The following OTULIN variants were observed in gnomAD, a reference collection of about 807,000 sequenced individuals.
The protein encoded by OTULIN is ubiquitin thioesterase otulin.
A neutral mutation model predicts 39.6 loss-of-function variants in OTULIN; 15 were observed. The observed-to-expected ratio is 0.38, with a 90% CI of 0.25 to 0.58. The LOEUF (loss-of-function observed/expected upper bound fraction) is 0.58, where lower values mean the gene tolerates loss of function less well. OTULIN is among the 20% of genes least tolerant of loss of function. The pLI is 0.66. For missense variants in OTULIN, 319 were observed against 445.9 expected, an observed-to-expected ratio of 0.72 and a Z score of 2.56; for synonymous variants, 156 against 170.3, an observed-to-expected ratio of 0.92 and a Z score of 0.65.
intron 4 of OTULIN, among the ~76,000 whole-genome samples, chr5:14,682,102 C>G (rs1341389967): frequency 1.3e-5 from 2 of 152,242 alleles, no homozygotes; most frequent in African/African-American, 4.8e-5. Context: ...GAGACTCAGC[C>G]TGTCCCAGGC....
rs1736735174 is a variant in OTULIN, at chr5:14,698,680, TCTAA to T, written c.*5635_*5638del. On this transcript the variant is annotated 3_prime_UTR_variant, in exon 7 of 7. Coordinates refer to ENST00000284274, the MANE Select transcript of OTULIN (RefSeq NM_138348.6). ...GGCAGATTGTGCTATTACATTGGGC[TCTAA>T]CTTTCTGGCACCCGCAAGGCAGACC... 6.6e-6 allele frequency: 1 copy of T among 152,270 alleles called. No homozygotes were observed. Among genetic ancestry groups the T allele is most frequent in the Non-Finnish European group, 1.5e-5 (1 of 68,080 alleles). 9.4% of individuals were successfully genotyped at this position (152,270 alleles called of 1,614,324 possible).
intron 1 of OTULIN, among the ~76,000 whole-genome samples, chr5:14,666,485 G>A (rs1301150296): frequency 6.6e-6 from 1 of 152,140 alleles, no homozygotes; most frequent in East Asian, 1.9e-4. Flanking sequence ...GAGAGACCCT[G>A]ATGCATCAAT....
In OTULIN at chr5:14,690,453, A is replaced by G. The variant is rs1736496727; in HGVS notation, c.864+145A>G. On this transcript the variant is annotated intron_variant, in intron 6 of 6. Transcript: ENST00000284274. This position sits in a 1 kb window ranked among gnomAD's most constrained non-coding sequence, Gnocchi z 4.5. ...CAGGATGTCATGAGGCTGCAGTTGT[A>G]TGTTCAGGGCTGCAGTCATCTGAAG... The G allele has an allele frequency of 4.1e-6, 4 of 966,624 alleles. No homozygotes were observed. The highest frequency in any genetic ancestry group is 2.9e-4 in the Middle Eastern group (1 of 3,460). The allele number at this position is 966,624 out of a possible 1,614,324, so 59.9% of individuals were successfully genotyped here.
chr5:14,667,645 G>T (rs1444959313), intron 1 of OTULIN, among the ~76,000 whole-genome samples: 2 of 152,218 alleles, frequency 1.3e-5, no homozygotes, highest in African/African-American at 4.8e-5. Flanking sequence ...GAAGTCCTGG[G>T]ATTACAGGCG....
At chr5:14,689,367 A>C (rs1736465739) in intron 5 of OTULIN, among the ~76,000 whole-genome samples, 1 of 152,202 alleles carries the variant, frequency 6.6e-6, no homozygotes, top group African/African-American at 2.4e-5. Context: ...TTCATAAGGA[A>C]TGGTATTTAT....
At chr5:14,707,154 T>G in the OTULIN span, 2 of 152,252 alleles carry the variant, frequency 1.3e-5, no homozygotes. Context: ...CATGCTGTCC[T>G]GGGCACTGTT....
chr5:14,674,022 A>C (rs1033287940), intron 2 of OTULIN: 4 of 190,364 alleles, frequency 2.1e-5, no homozygotes, highest in Middle Eastern at 2.1e-3. Flanking sequence ...TTAGAGGGAG[A>C]GTTCAGATTT....
intron 3 of OTULIN, 144 bp from the exon 4 acceptor site, chr5:14,681,315 TAAAAC>T: frequency 3.7e-6 from 3 of 812,178 alleles, no homozygotes; most frequent in Middle Eastern, 3.1e-4. Flanking sequence ...GAGTAAGTGT[TAAAAC>T]AATTGCTTAG....
the OTULIN span, chr5:14,711,276 C>T: frequency 9.3e-6 from 15 of 1,614,138 alleles, no homozygotes; most frequent in Non-Finnish European, 1.3e-5. Context: ...AGAGTCTTCC[C>T]CCTCCGTGGC....
chr5:14,711,191 C>T, the OTULIN span: 207 of 1,611,460 alleles, frequency 1.3e-4, no homozygotes, highest in Non-Finnish European at 1.6e-4. Context: ...CATGGCGTCC[C>T]GTGCCTTATT....
intron 4 of OTULIN, among the ~76,000 whole-genome samples, chr5:14,683,919 T>C (rs1290561166): frequency 1.3e-5 from 2 of 152,210 alleles, no homozygotes; most frequent in Non-Finnish European, 2.9e-5. Context: ...TTATCTGCCA[T>C]ATTAAAAATA....
chr5:14,669,647 C>T (rs1201769824), intron 1 of OTULIN, among the ~76,000 whole-genome samples: 1 of 151,970 alleles, frequency 6.6e-6, no homozygotes, highest in Non-Finnish European at 1.5e-5. Context: ...GTGGTGCATG[C>T]CTGTGGTCTC....
At position 14,678,310 on chromosome 5, in the gene OTULIN, GCAGAGAC is replaced by G. The variant is rs548972604; in HGVS notation, c.230-364_230-358del. On this transcript the variant is annotated intron_variant, in intron 2 of 6. Coordinates refer to ENST00000284274, the MANE Select transcript of OTULIN (RefSeq NM_138348.6). ...GCCCACTCAGTGGGGAATGGTAGGA[GCAGAGAC>G]CAGAGAGGCAGAGAGGGGGACTATA... 4.3e-3 allele frequency among the ~76,000 whole-genome samples: 656 copies of G among 152,284 alleles called. 4 individuals carry two copies. The highest frequency in any genetic ancestry group is 0.015 in the African/African-American group (624 of 41,540).
At chr5:14,678,472 G>A (rs1433276127) in intron 2 of OTULIN, among the ~76,000 whole-genome samples, 1 of 152,194 alleles carries the variant, frequency 6.6e-6, no homozygotes, top group Non-Finnish European at 1.5e-5. Flanking sequence ...GGAGAGTGTG[G>A]TGACAAGGGA....
the OTULIN span, chr5:14,712,754 A>G: frequency 8.3e-6 from 8 of 964,220 alleles, no homozygotes; most frequent in African/African-American, 1.6e-5. Flanking sequence ...GAGACTGGGC[A>G]GTGTCACCAA....
the OTULIN span, among the ~76,000 whole-genome samples, chr5:14,712,352 TCAGA>T: frequency 5.3e-5 from 8 of 152,222 alleles, no homozygotes; most frequent in South Asian, 2.1e-4. Context: ...CTCCCTTTTC[TCAGA>T]CAATGATGTG....
intron 6 of OTULIN, among the ~76,000 whole-genome samples, chr5:14,691,175 T>A (rs942916643): frequency 3.5e-4 from 53 of 152,262 alleles, no homozygotes; most frequent in African/African-American, 1.1e-3. Context: ...AGGTTTTTTT[T>A]ATTGGAATAG....
chr5:14,694,404 T>A lies in OTULIN; in HGVS notation c.*1356T>A, dbSNP rs547317787. The A allele has an allele frequency of 6.6e-6, 1 of 152,204 alleles. No homozygotes were observed. The highest frequency in any genetic ancestry group is 2.4e-5 in the African/African-American group (1 of 41,442). The allele number at this position is 152,204 out of a possible 1,614,324, so 9.4% of individuals were successfully genotyped here. ...ATGGTGTTCACATGAACCGGAGACA[T>A]CACTCTTTAGGATTCTACTGGCAGC... On this transcript the variant is annotated 3_prime_UTR_variant, in exon 7 of 7. Coordinates refer to ENST00000284274, the MANE Select transcript of OTULIN (RefSeq NM_138348.6).
At chr5:14,711,189 C>A in the OTULIN span, 1 of 1,610,578 alleles carries the variant, frequency 6.2e-7, no homozygotes, top group Non-Finnish European at 8.5e-7. Flanking sequence ...CCCATGGCGT[C>A]CCGTGCCTTA....
Sources: allele counts gnomAD v4.1 joint callset (sites outside exome capture counted in the v4.1 genomes callset), GRCh38; gene constraint gnomAD v4.1.1; non-coding constraint Gnocchi (gnomAD v3.1); transcripts MANE v1.5; gene names NCBI Gene and HGNC (gene_info 2026-07-23, HGNC 2026-07-21).